Variants in ASIC2 observed in about 807,000 individuals in gnomAD.
The protein encoded by ASIC2 is acid sensing ion channel subunit 2, also known as acid-sensing ion channel 2.
Under a neutral mutation model 57.3 loss-of-function variants are expected in ASIC2, and 25 were observed. The observed-to-expected ratio is 0.44, with a 90% CI of 0.32 to 0.61. The LOEUF (loss-of-function observed/expected upper bound fraction) is 0.61. Among genes scored for constraint, ASIC2 ranks in the 20% least tolerant of loss-of-function variants. The pLI is 0.06. For missense variants in ASIC2, 641 were observed against 738.1 expected, an observed-to-expected ratio of 0.87 and a Z score of 1.52; for synonymous variants, 319 against 307.5, an observed-to-expected ratio of 1.04 and a Z score of -0.39.
At chr17:33,822,097 G>A (rs994472507) in intron 1 of ASIC2, among the ~76,000 whole-genome samples, 1 of 152,132 alleles carries the variant, frequency 6.6e-6, no homozygotes, top group Non-Finnish European at 1.5e-5. Flanking sequence ...ATCTGTAACT[G>A]GAATGACATA....
intron 1 of ASIC2, among the ~76,000 whole-genome samples, chr17:33,608,883 T>G (rs1356623064): frequency 6.6e-6 from 1 of 152,230 alleles, no homozygotes; most frequent in Non-Finnish European, 1.5e-5. Context: ...ATTTGGACTT[T>G]GGCTCTTTAG....
At chr17:33,442,636 G>T (rs1400655543) in intron 1 of ASIC2, among the ~76,000 whole-genome samples, 1 of 151,694 alleles carries the variant, frequency 6.6e-6, no homozygotes, top group Non-Finnish European at 1.5e-5. Flanking sequence ...TGCTAAATTT[G>T]TTCACTAGTT....
At chr17:33,627,771 G>A (rs1906033475) in intron 1 of ASIC2, among the ~76,000 whole-genome samples, 2 of 152,320 alleles carry the variant, frequency 1.3e-5, no homozygotes, top group South Asian at 2.1e-4. Context: ...TGGTTCCACT[G>A]GGGAGCAGAG....
intron 1 of ASIC2, among the ~76,000 whole-genome samples, chr17:34,050,632 T>C (rs1021301773): frequency 1.1e-4 from 16 of 152,334 alleles, no homozygotes; most frequent in African/African-American, 2.4e-4. Flanking sequence ...AAGACCTTCA[T>C]TGAACATCTA....
intron 3 of ASIC2, among the ~76,000 whole-genome samples, chr17:33,059,444 A>G (rs2092011939): frequency 1.3e-5 from 2 of 152,260 alleles, no homozygotes; most frequent in Non-Finnish European, 1.5e-5. Flanking sequence ...TTTCCTGAGA[A>G]TGATGGTTTC....
At chr17:33,241,580 C>T (rs1908508924) in intron 1 of ASIC2, among the ~76,000 whole-genome samples, 1 of 152,196 alleles carries the variant, frequency 6.6e-6, no homozygotes, top group African/African-American at 2.4e-5. Context: ...AACATTTTGG[C>T]CTATATCCCA....
intron 1 of ASIC2, among the ~76,000 whole-genome samples, chr17:33,618,152 A>G (rs780369871): frequency 2.0e-5 from 3 of 151,908 alleles, no homozygotes; most frequent in Non-Finnish European, 4.4e-5. Context: ...TCGAATCCAT[A>G]TTCTGCTTGT....
intron 1 of ASIC2, among the ~76,000 whole-genome samples, chr17:33,127,017 G>A (rs542649727): frequency 1.3e-4 from 19 of 150,542 alleles, no homozygotes; most frequent in African/African-American, 3.4e-4. Context: ...ACAGGCGCCC[G>A]CCACCGCGCC....
Position 33,508,906 on chromosome 17 carries a change from A to C in ASIC2, c.556-396839T>G, listed in dbSNP as rs563254826. 3.2e-3 allele frequency among the ~76,000 whole-genome samples: 493 copies of C among 152,282 alleles called. 3 individuals carry two copies. The highest frequency in any genetic ancestry group is 0.011 in the African/African-American group (464 of 41,560). ...ACCTCTTACTTCTGAGGAGTTTTGG[A>C]CCTGAATGGAGTTCAGTTGACAAAC... On this transcript the variant is annotated intron_variant, in intron 1 of 9. Coordinates refer to the ASIC2 transcript ENST00000359872.
chr17:33,341,043 C>G (rs970061153), intron 1 of ASIC2, among the ~76,000 whole-genome samples: 1 of 152,176 alleles, frequency 6.6e-6, no homozygotes, highest in African/African-American at 2.4e-5. Context: ...AAGAGCCAAT[C>G]CCCTTGTCCT....
At chr17:33,559,594 C>T (rs1383630131) in intron 1 of ASIC2, among the ~76,000 whole-genome samples, 5 of 152,194 alleles carry the variant, frequency 3.3e-5, no homozygotes. Context: ...AGCATAGTGC[C>T]AGTGTCTCCA....
At chr17:33,140,035 G>A (rs1455822332) in intron 1 of ASIC2, among the ~76,000 whole-genome samples, 1 of 152,176 alleles carries the variant, frequency 6.6e-6, no homozygotes. Context: ...GTCTTCTGGG[G>A]GCCAGCTGCA....
At chr17:33,338,267 C>G (rs1309827956) in intron 1 of ASIC2, among the ~76,000 whole-genome samples, 1 of 151,922 alleles carries the variant, frequency 6.6e-6, no homozygotes, top group African/African-American at 2.4e-5. Flanking sequence ...TGGAAATGTT[C>G]CTTCTGAGGT....
At chr17:33,378,719 G>T (rs1242076261) in intron 1 of ASIC2, among the ~76,000 whole-genome samples, 4 of 152,256 alleles carry the variant, frequency 2.6e-5, no homozygotes, top group African/African-American at 7.2e-5. Context: ...AAAAATGTTA[G>T]ATGGTGGGGA....
intron 1 of ASIC2, among the ~76,000 whole-genome samples, chr17:33,451,286 C>T (rs919872439): frequency 1.3e-5 from 2 of 152,096 alleles, no homozygotes; most frequent in African/African-American, 4.8e-5. Flanking sequence ...TAACTCCTGA[C>T]CTCAAATGAT....
chr17:33,164,658 C>T (rs1294095563), intron 1 of ASIC2, among the ~76,000 whole-genome samples: 1 of 152,130 alleles, frequency 6.6e-6, no homozygotes, highest in Admixed American at 6.5e-5. Context: ...GGGGCTTGCT[C>T]AAGGCTTGCT....
chr17:33,040,697 GA>G (rs1344219594), intron 3 of ASIC2, among the ~76,000 whole-genome samples: 2 of 152,220 alleles, frequency 1.3e-5, no homozygotes, highest in Admixed American at 6.5e-5. Context: ...TTCTCTCTGA[GA>G]AAAACTGCCT....
intron 1 of ASIC2, among the ~76,000 whole-genome samples, chr17:33,305,207 T>A (rs112453419): frequency 3.8e-4 from 58 of 152,276 alleles, no homozygotes; most frequent in African/African-American, 1.4e-3. Flanking sequence ...CAAGGAAGAA[T>A]CAGGCTCAGA....
intron 1 of ASIC2, among the ~76,000 whole-genome samples, chr17:33,864,340 G>A (rs1548301): frequency 0.28 from 42,229 of 152,040 alleles, 6,055 homozygotes; most frequent in African/African-American, 0.3. Context: ...AGCGTAGGAA[G>A]CATGCAGATA....
Sources: gnomAD v4.1 joint callset for allele counts (sites outside exome capture counted in the v4.1 genomes callset) on GRCh38, gnomAD v4.1.1 for gene constraint, MANE v1.5 for transcripts, NCBI Gene and HGNC (gene_info 2026-07-23, HGNC 2026-07-21) for gene names.